The following PCDHGB2 variants were observed in gnomAD, a reference collection of about 807,000 sequenced individuals.
The protein encoded by PCDHGB2 is protocadherin gamma-B2.
A neutral mutation model predicts 59.3 loss-of-function variants in PCDHGB2; 55 were observed. The ratio of observed to expected loss-of-function variants is 0.93; its 90% CI spans 0.75 to 1.16. The LOEUF is 1.16. PCDHGB2 is among the 50% of genes most tolerant of loss of function. PCDHGB2 has a pLI of 0.00. For synonymous variants in PCDHGB2, 516 were observed against 512.0 expected (o/e 1.01, Z -0.11); for missense variants, 1,228 against 1,198.5 (o/e 1.02, Z -0.36).
intron 1 of PCDHGB2, among the ~76,000 whole-genome samples, chr5:141,363,621 C>G (rs1384917674): frequency 1.3e-5 from 2 of 152,216 alleles, no homozygotes; most frequent in African/African-American, 4.8e-5. Context: ...AGTGGAGAGA[C>G]TTTCTCAAAG....
Position 141,431,877 on chromosome 5 carries a change from AC to A in PCDHGB2, c.2422-62928del. 1 of 1,614,230 alleles carries A rather than the reference AC, an allele frequency of 6.2e-7. No individual in the cohort carries two copies. The highest frequency in any genetic ancestry group is 1.3e-5 in the African/African-American group (1 of 75,070). ...TTAATTGCCCTTTTAAATGTAAATGACCAAGATTCTGAGGAAAACGGACAGG... is the reference window on the plus strand; with the variant it reads ...TTAATTGCCCTTTTAAATGTAAATGACAAGATTCTGAGGAAAACGGACAGG... On this transcript the variant is annotated intron_variant, in intron 1 of 3. Coordinates refer to ENST00000522605, the MANE Select transcript of PCDHGB2 (RefSeq NM_018923.3). The surrounding 1 kb of genome is among the most constrained non-coding windows in gnomAD (Gnocchi z 4.8).
intron 1 of PCDHGB2, chr5:141,364,424 C>A (rs1029173533): frequency 5.0e-6 from 8 of 1,613,572 alleles, no homozygotes; most frequent in South Asian, 1.1e-5. Context: ...CGGGCAGATC[C>A]GCTACTCGAT....
intron 1 of PCDHGB2, chr5:141,389,633 C>T: frequency 1.2e-6 from 2 of 1,613,016 alleles, no homozygotes; most frequent in Non-Finnish European, 1.7e-6. Flanking sequence ...CAGAGCCTGG[C>T]TACTTGGTGA....
intron 1 of PCDHGB2, chr5:141,366,487 G>C (rs962948172): frequency 6.2e-7 from 1 of 1,614,236 alleles, no homozygotes; most frequent in East Asian, 2.2e-5. Flanking sequence ...TGAGGCGCTG[G>C]CACAAGTCAC....
chr5:141,419,333 A>G, intron 1 of PCDHGB2: 2 of 1,613,804 alleles, frequency 1.2e-6, no homozygotes, highest in South Asian at 1.1e-5. Context: ...CTACTCTCTC[A>G]TTGCCAGCGA....
At chr5:141,438,607 T>C (rs924136790) in intron 1 of PCDHGB2, among the ~76,000 whole-genome samples, 2 of 27,412 alleles carry the variant, frequency 7.3e-5, no homozygotes. Flanking sequence ...TATATATATA[T>C]ATATATATAT....
At chr5:141,383,770 A>T (rs776707003) in intron 1 of PCDHGB2, 11 of 1,613,890 alleles carry the variant, frequency 6.8e-6, no homozygotes, top group Non-Finnish European at 8.5e-6. Flanking sequence ...ACTTCCAAAG[A>T]TGTTTCATCT....
chr5:141,492,616 G>A (rs976681246), intron 1 of PCDHGB2, among the ~76,000 whole-genome samples: 1 of 152,252 alleles, frequency 6.6e-6, no homozygotes. Flanking sequence ...CTAAGTGCCG[G>A]GCGGGCAGGA....
intron 1 of PCDHGB2, chr5:141,371,291 G>A (rs755232454): frequency 2.5e-6 from 4 of 1,613,976 alleles, no homozygotes; most frequent in Non-Finnish European, 3.4e-6. Context: ...GTAAAACGGG[G>A]GAACTCACCA....
At chr5:141,417,832 G>C in intron 1 of PCDHGB2, 1 of 1,528,846 alleles carries the variant, frequency 6.5e-7, no homozygotes. Flanking sequence ...CTGGAAAAGC[G>C]GGGACCCAGC....
rs140916255 is a variant in PCDHGB2, at chr5:141,475,995, C to A, written c.2422-18812C>A. 2,057 of 1,172,604 alleles carry A rather than the reference C, an allele frequency of 1.8e-3. 30 individuals carry two copies. The African/African-American group carries it at 0.027, about 16-fold the overall frequency. 72.6% of individuals were successfully genotyped at this position (1,172,604 alleles called of 1,614,324 possible). ...ACTGAACAGCCGGCGAGCAAATCAA[C>A]GGCATCCAGAAAGCCATGTCGGACT... On this transcript the variant is annotated intron_variant, in intron 1 of 3. Coordinates refer to ENST00000522605, the MANE Select transcript of PCDHGB2 (RefSeq NM_018923.3).
At chr5:141,427,361 A>C in intron 1 of PCDHGB2, 1 of 457,772 alleles carries the variant, frequency 2.2e-6, no homozygotes, top group Non-Finnish European at 4.4e-6. Flanking sequence ...AGGACGCAGA[A>C]CCCTGGACGG....
Position 141,501,940 on chromosome 5 carries a change from C to T in PCDHGB2, c.2481-3453C>T, listed in dbSNP as rs565207980. Among the ~76,000 whole-genome samples the T allele has an allele frequency of 2.6e-5, 4 of 152,250 alleles. No individual in the cohort carries two copies. In the East Asian group the frequency reaches 7.7e-4, roughly 29 times the overall value. On this transcript the variant is annotated intron_variant, in intron 2 of 3. Transcript: ENST00000522605. ...CAGCTTTGTTCCCTCAACACCACTG[C>T]TCCCTGTGACAGGTCATCCTCCTAA...
At chr5:141,372,866 T>A in intron 1 of PCDHGB2, 1 of 1,393,006 alleles carries the variant, frequency 7.2e-7, no homozygotes, top group Non-Finnish European at 9.6e-7. Context: ...ATTCATTGAT[T>A]TAGAGATAAA....
At position 141,502,487 on chromosome 5, in the gene PCDHGB2, C is replaced by T. The variant is rs563658817; in HGVS notation, c.2481-2906C>T. ...TACTTCCCGCAGCATCACACTGGGACTCATCTAACGTCGGCCTGTCCCACT... is the reference window on the plus strand; with the variant it reads ...TACTTCCCGCAGCATCACACTGGGATTCATCTAACGTCGGCCTGTCCCACT... On this transcript the variant is annotated intron_variant, in intron 2 of 3. Coordinates refer to ENST00000522605, the MANE Select transcript of PCDHGB2 (RefSeq NM_018923.3). Among the ~76,000 whole-genome samples, 92 of 152,298 alleles carry T rather than the reference C, an allele frequency of 6.0e-4. 3 individuals are homozygous for T. The highest frequency in any genetic ancestry group is 1.5e-4 in the Non-Finnish European group (10 of 68,030).
chr5:141,398,576 C>T (rs1257000620), intron 1 of PCDHGB2: 4 of 1,613,968 alleles, frequency 2.5e-6, no homozygotes, highest in Non-Finnish European at 1.7e-6. Flanking sequence ...CAGCCTGGCA[C>T]AAGATTTATA....
At chr5:141,374,003 C>A in intron 1 of PCDHGB2, 1 of 1,320,442 alleles carries the variant, frequency 7.6e-7, no homozygotes. Context: ...GGACCTTCAC[C>A]GCTATTTCTG....
Position 141,431,072 on chromosome 5 carries a change from A to G in PCDHGB2, c.2422-63735A>G. On this transcript the variant is annotated intron_variant, in intron 1 of 3. Transcript: ENST00000522605. The surrounding 1 kb of genome is among the most constrained non-coding windows in gnomAD (Gnocchi z 4.8). ...TATGGGGGCCATCAAGTGTCAATTA[A>G]ATCTAGACATTCTGATGGAGGATAA... is the stretch of plus-strand genomic sequence containing the variant. 1 of 1,614,220 alleles carries G rather than the reference A, an allele frequency of 6.2e-7. No individual in the cohort carries two copies. Among genetic ancestry groups the G allele is most frequent in the Non-Finnish European group, 8.5e-7 (1 of 1,180,012 alleles).
At chr5:141,384,593 C>A (rs1449911634) in intron 1 of PCDHGB2, 3 of 1,614,252 alleles carry the variant, frequency 1.9e-6, no homozygotes, top group South Asian at 1.1e-5. Context: ...ATCCTGTACC[C>A]GGCCCTCCCC....
Sources: allele counts gnomAD v4.1 joint callset (sites outside exome capture counted in the v4.1 genomes callset), GRCh38; gene constraint gnomAD v4.1.1; non-coding constraint Gnocchi (gnomAD v3.1); transcripts MANE v1.5; gene names NCBI Gene and HGNC (gene_info 2026-07-23, HGNC 2026-07-21).